Variants in CTXN2 observed in about 807,000 individuals in gnomAD.
CTXN2 encodes cortexin 2, also known as cortexin-2.
Under a neutral mutation model 5.7 loss-of-function variants are expected in CTXN2, and 3 were observed. That is an observed-to-expected ratio of 0.53 (90% CI 0.24 to 1.36). The LOEUF is 1.36. Ranked by LOEUF, CTXN2 falls within the 40% of genes most tolerant of loss-of-function variation. The pLI, the probability that CTXN2 is intolerant of heterozygous loss-of-function variation, is 0.17. For synonymous variants in CTXN2, 38 were observed against 36.4 expected, an observed-to-expected ratio of 1.04 and a Z score of -0.16; for missense variants, 87 against 93.0, an observed-to-expected ratio of 0.94 and a Z score of 0.26.
intron 1 of CTXN2, among the ~76,000 whole-genome samples, chr15:48,195,947 T>G (rs2040875480): frequency 6.6e-6 from 1 of 152,106 alleles, no homozygotes; most frequent in East Asian, 1.9e-4. Flanking sequence ...CTAGTTGGAA[T>G]CCCTTTAAGT....
chr15:48,201,442 T>A lies in CTXN2; in HGVS notation c.142T>A (p.Cys48Ser), dbSNP rs1211321304. 2 of 1,551,296 alleles carry A rather than the reference T, an allele frequency of 1.3e-6. No homozygotes were observed. Among genetic ancestry groups the A allele is most frequent in the Admixed American group, 3.9e-5 (2 of 50,972 alleles). Residue 48 changes from cysteine (C) to serine (S), a missense_variant, in exon 2 of 2, where the codon TGC becomes AGC. By Grantham distance (112) the Cys-to-Ser change is moderately radical. Coordinates refer to ENST00000417307, the MANE Select transcript of CTXN2 (RefSeq NM_001145668.2). ...CTTCTTGGGACTTCTTATTATCCGA[T>A]GCTTCAAAATCCTGCTAGACCCATA... is the stretch of plus-strand genomic sequence containing the variant. ...CIFLGLLIIRCFKILLDPYSS... is the reference protein window; with the variant it reads ...CIFLGLLIIRSFKILLDPYSS...
chr15:48,201,067 A>G (rs2040924365), intron 1 of CTXN2, among the ~76,000 whole-genome samples, 177 bp from the exon 2 acceptor site: 1 of 152,234 alleles, frequency 6.6e-6, no homozygotes, highest in Non-Finnish European at 1.5e-5. Flanking sequence ...TTTAATTACA[A>G]CATTTAGAAG....
chr15:48,179,227 A>AT (rs1034764958), intron 1 of CTXN2, among the ~76,000 whole-genome samples: 2 of 151,978 alleles, frequency 1.3e-5, no homozygotes, highest in Non-Finnish European at 2.9e-5. Context: ...GCCTTCCCAA[A>AT]TTTTTTTTCC....
chr15:48,191,644 C>G (rs571577147), upstream of CTXN2: 1 of 445,696 alleles, frequency 2.2e-6, no homozygotes, highest in Non-Finnish European at 4.5e-6. Flanking sequence ...ACACGTACTT[C>G]GGCGGGCGCC....
At chr15:48,186,648 C>T (rs2040758780) in intron 1 of CTXN2, among the ~76,000 whole-genome samples, 1 of 152,072 alleles carries the variant, frequency 6.6e-6, no homozygotes, top group East Asian at 1.9e-4. Flanking sequence ...CGCCTGTAAT[C>T]CCAGCATTTT....
chr15:48,188,532 C>T (rs2040781915), upstream of CTXN2, among the ~76,000 whole-genome samples: 1 of 152,120 alleles, frequency 6.6e-6, no homozygotes, highest in Non-Finnish European at 1.5e-5. Context: ...ACTTTAGTAA[C>T]AGCTCTGTAG....
chr15:48,201,170 C>T (rs1373965329), intron 1 of CTXN2, 74 bp from the exon 2 acceptor site: 2 of 885,846 alleles, frequency 2.3e-6, no homozygotes, highest in Non-Finnish European at 3.4e-6. Context: ...TGAAAAACGT[C>T]AGATTTTATT....
intron 1 of CTXN2, among the ~76,000 whole-genome samples, chr15:48,200,865 T>C (rs2040922578): frequency 1.3e-5 from 2 of 152,122 alleles, no homozygotes; most frequent in Admixed American, 1.3e-4. Flanking sequence ...CATGCTATGA[T>C]TGTTTATATT....
At chr15:48,181,168 G>A (rs2040699113) in intron 1 of CTXN2, among the ~76,000 whole-genome samples, 1 of 152,162 alleles carries the variant, frequency 6.6e-6, no homozygotes. Flanking sequence ...AGTGTCTTAA[G>A]CAAGATATAC....
rs1357966934 is a variant in CTXN2 at position 48,203,374 on chromosome 15, T to A, written c.*1828T>A. ...CTCAAGGAGGCTCTCTGTACCCCAG[T>A]TGGTTCAAGAGTGTAGGCCTGGTAC... On this transcript the variant is annotated 3_prime_UTR_variant, in exon 2 of 2. Coordinates refer to ENST00000417307, the MANE Select transcript of CTXN2 (RefSeq NM_001145668.2). 6.0e-6 allele frequency: 1 copy of A among 167,028 alleles called. No homozygotes were observed. Among genetic ancestry groups the A allele is most frequent in the Non-Finnish European group, 1.5e-5 (1 of 68,110 alleles). The allele number at this position is 167,028 out of a possible 1,614,324, so 10.3% of individuals were successfully genotyped here.
At chr15:48,179,938 T>C (rs2140965460) in intron 1 of CTXN2, among the ~76,000 whole-genome samples, 1 of 152,280 alleles carries the variant, frequency 6.6e-6, no homozygotes, top group South Asian at 2.1e-4. Flanking sequence ...CAAAAATCCT[T>C]TAATCAACTC....
chr15:48,191,538 C>T (rs1470658227), upstream of CTXN2: 15 of 368,222 alleles, frequency 4.1e-5, no homozygotes, highest in Non-Finnish European at 5.4e-6. Flanking sequence ...CTCACATACA[C>T]ACACAGATGC....
At chr15:48,194,941 C>T (rs1393483890) in intron 1 of CTXN2, among the ~76,000 whole-genome samples, 2 of 152,028 alleles carry the variant, frequency 1.3e-5, no homozygotes, top group Admixed American at 6.6e-5. Flanking sequence ...GGGCTCTCTC[C>T]ATCCTGTATA....
chr15:48,198,692 G>C (rs994978863), intron 1 of CTXN2, among the ~76,000 whole-genome samples: 4 of 152,042 alleles, frequency 2.6e-5, no homozygotes, highest in African/African-American at 9.7e-5. Context: ...TTGTTTTGTT[G>C]GTTAGTAGGT....
chr15:48,185,510 A>G (rs1438968195), intron 1 of CTXN2, among the ~76,000 whole-genome samples: 2 of 152,184 alleles, frequency 1.3e-5, no homozygotes, highest in Non-Finnish European at 2.9e-5. Context: ...ATTATGTTGG[A>G]GAAAAAAGTG....
In CTXN2 at chr15:48,180,781, A is replaced by T. The variant is rs572171992; in HGVS notation, c.-455+2381A>T. 5.9e-5 allele frequency among the ~76,000 whole-genome samples: 9 copies of T among 152,314 alleles called. No homozygotes were observed. In the South Asian group the frequency reaches 1.0e-3, roughly 18 times the overall value. On this transcript the variant is annotated intron_variant, in intron 1 of 2. Transcript: ENST00000644354. ...TGCCTTGGCCTCCCAAATTGCTGGG[A>T]TTACAGGCGTGAGCCAGAGCGCCCG...
At chr15:48,178,821 A>G (rs530805268) in intron 1 of CTXN2, among the ~76,000 whole-genome samples, 40 of 152,138 alleles carry the variant, frequency 2.6e-4, no homozygotes, top group Non-Finnish European at 5.0e-4. Context: ...CAATTCACCA[A>G]AAGGAATGAC....
chr15:48,184,979 G>T (rs1597379203), intron 1 of CTXN2, among the ~76,000 whole-genome samples: 1 of 152,166 alleles, frequency 6.6e-6, no homozygotes, highest in African/African-American at 2.4e-5. Flanking sequence ...AAATAAATGA[G>T]CTATCAAGCC....
At chr15:48,185,016 T>C (rs562148679) in intron 1 of CTXN2, among the ~76,000 whole-genome samples, 1 of 152,250 alleles carries the variant, frequency 6.6e-6, no homozygotes, top group East Asian at 1.9e-4. Context: ...GATGCTTACA[T>C]GCGTGTTGTT....
Sources: gnomAD v4.1 joint callset for allele counts (sites outside exome capture counted in the v4.1 genomes callset) on GRCh38, gnomAD v4.1.1 for gene constraint, MANE v1.5 for transcripts, NCBI Gene and HGNC (gene_info 2026-07-23, HGNC 2026-07-21) for gene names.